The following FAM193A variants were observed in gnomAD, a reference collection of about 807,000 sequenced individuals.
FAM193A encodes the protein protein FAM193A.
FAM193A carries 22 observed loss-of-function variants against 126.5 expected under a neutral mutation model. That is an observed-to-expected ratio of 0.17 (90% CI 0.12 to 0.25). The LOEUF (loss-of-function observed/expected upper bound fraction) is 0.25, where lower values mean the gene tolerates loss of function less well. FAM193A is among the 10% of genes least tolerant of loss of function. The probability of loss-of-function intolerance (pLI) is 1.00; values close to 1 mark genes in which losing one functional copy is unlikely to be tolerated. For missense variants in FAM193A, 1,675 were observed against 1,672.8 expected (o/e 1.00, Z -0.02); for synonymous variants, 761 against 646.8 (o/e 1.18, Z -2.68).
At chr4:2,701,657 T>G (rs1717745127) in intron 19 of FAM193A, among the ~76,000 whole-genome samples, 1 of 152,174 alleles carries the variant, frequency 6.6e-6, no homozygotes, top group Non-Finnish European at 1.5e-5. Flanking sequence ...TCTCCTTTGC[T>G]AATTAGTAAG....
At position 2,553,376 on chromosome 4, in the gene FAM193A, C is replaced by CTTTTT. The variant is rs1414434801; in HGVS notation, c.255+16207_255+16211dup. On this transcript the variant is annotated intron_variant, in intron 1 of 20. Transcript: ENST00000637812. Reference sequence around the variant, plus strand: ...ATTAAGTAAAGTTCTAATTTCCCTTCTTTTTGTTTTTTTTTTTTTTTTTGA... The same window carrying CTTTTT: ...ATTAAGTAAAGTTCTAATTTCCCTTCTTTTTTTTTTGTTTTTTTTTTTTTTTTTGA... Among the ~76,000 whole-genome samples the CTTTTT allele has an allele frequency of 1.5e-4, 19 of 124,110 alleles. 1 individual carries two copies. The highest frequency in any genetic ancestry group is 5.3e-4 in the South Asian group (2 of 3,808). 81.4% of individuals were successfully genotyped at this position (124,110 alleles called of 152,430 possible).
intron 14 of FAM193A, among the ~76,000 whole-genome samples, 186 bp downstream of exon 14, chr4:2,689,890 G>A (rs1195889954): frequency 2.0e-5 from 3 of 152,126 alleles, no homozygotes; most frequent in Non-Finnish European, 4.4e-5. Context: ...GCCACCAGTC[G>A]GTCCCACTGT....
chr4:2,649,887 C>A (rs1162879179), intron 7 of FAM193A, among the ~76,000 whole-genome samples: 1 of 152,156 alleles, frequency 6.6e-6, no homozygotes, highest in Non-Finnish European at 1.5e-5. Context: ...ATAGCCACTC[C>A]CTATTGCTTG....
chr4:2,540,539 T>G (rs1210173850), intron 1 of FAM193A, among the ~76,000 whole-genome samples: 1 of 151,682 alleles, frequency 6.6e-6, no homozygotes, highest in Admixed American at 6.6e-5. Context: ...TCCCAGCTAC[T>G]CCGGAGGCTG....
chr4:2,597,976 C>T (rs1577056565), intron 2 of FAM193A, among the ~76,000 whole-genome samples: 1 of 152,208 alleles, frequency 6.6e-6, no homozygotes, highest in East Asian at 1.9e-4. Flanking sequence ...ACAATCTTGG[C>T]TCACTGCAAC....
At chr4:2,642,314 C>CA (rs1156508027) in intron 6 of FAM193A, among the ~76,000 whole-genome samples, 1 of 151,782 alleles carries the variant, frequency 6.6e-6, no homozygotes, top group East Asian at 1.9e-4. Flanking sequence ...AAAAAACACA[C>CA]AAAAAAATCA....
At chr4:2,673,169 T>C (rs1032831989) in intron 13 of FAM193A, among the ~76,000 whole-genome samples, 1 of 152,132 alleles carries the variant, frequency 6.6e-6, no homozygotes, top group African/African-American at 2.4e-5. Flanking sequence ...TTCTTTTTTT[T>C]CTTTGTACCA....
chr4:2,651,559 A>T (rs562138660), intron 7 of FAM193A, among the ~76,000 whole-genome samples: 1 of 152,202 alleles, frequency 6.6e-6, no homozygotes, highest in Non-Finnish European at 1.5e-5. Context: ...ACTCGCTATC[A>T]TGAGAACAGC....
intron 1 of FAM193A, among the ~76,000 whole-genome samples, chr4:2,566,562 C>A (rs998012196): frequency 3.3e-5 from 5 of 152,086 alleles, no homozygotes; most frequent in Middle Eastern, 3.4e-3. Context: ...GTGGTGTGCG[C>A]CTGTAGTCCC....
At chr4:2,646,898 CA>C (rs1362614064) in intron 7 of FAM193A, 66 bp downstream of exon 7, 1 of 1,494,320 alleles carries the variant, frequency 6.7e-7, no homozygotes, top group Non-Finnish European at 9.0e-7. Context: ...AAGGCAGCAC[CA>C]AGTCACTAGC....
Position 2,699,748 on chromosome 4 carries a change from G to C in FAM193A, c.3576G>C (p.Gln1192His), listed in dbSNP as rs1717481263. 1 of 1,613,884 alleles carries C rather than the reference G, an allele frequency of 6.2e-7. No individual in the cohort carries two copies. The highest frequency in any genetic ancestry group is 8.5e-7 in the Non-Finnish European group (1 of 1,179,976). ...AGCACCTGCACCTCCAGGAGGAGCA[G>C]AGGCGGCGGGAGGAGGAGGAGGATG... is the stretch of plus-strand genomic sequence containing the variant. ...AREHLHLQEE[Q>H]RRREEEEDEE... Residue 1192 changes from glutamine to histidine, a missense_variant, in exon 19 of 21, where the codon CAG becomes CAC. Transcript: ENST00000637812.
chr4:2,731,970 G>A lies in FAM193A; in HGVS notation c.*102G>A, dbSNP rs527925204. ...GCCCCAGAGCCGTGGTGCTTGCCAA[G>A]GGCTGTGCGGAGCTGGTGCTGCCTG... is the stretch of plus-strand genomic sequence containing the variant. On this transcript the variant is annotated 3_prime_UTR_variant, in exon 21 of 21. Coordinates refer to ENST00000637812, the MANE Select transcript of FAM193A (RefSeq NM_001366318.2). 83 of 902,324 alleles carry A rather than the reference G, an allele frequency of 9.2e-5. 4 individuals carry two copies. In the South Asian group the frequency reaches 9.9e-4, roughly 11 times the overall value. 55.9% of individuals were successfully genotyped at this position (902,324 alleles called of 1,614,324 possible). A position where few individuals can be genotyped will look rare whatever the true frequency, so the allele number is the denominator to read the frequency against.
chr4:2,639,917 G>C, intron 6 of FAM193A, 58 bp downstream of exon 6: 1 of 1,559,332 alleles, frequency 6.4e-7, no homozygotes, highest in Admixed American at 1.8e-5. Context: ...CTTTTCTCCT[G>C]ACTGGTGTGC....
chr4:2,627,777 C>CT (rs1743124540), intron 4 of FAM193A, among the ~76,000 whole-genome samples: 1 of 150,498 alleles, frequency 6.6e-6, no homozygotes. Flanking sequence ...ATGTCTCGCT[C>CT]TGTCGCCCAG....
chr4:2,679,828 C>A (rs1487713497), intron 13 of FAM193A, among the ~76,000 whole-genome samples: 1 of 151,178 alleles, frequency 6.6e-6, no homozygotes, highest in Admixed American at 6.6e-5. Context: ...ACTAGTGAAG[C>A]CATCAGGTTT....
At chr4:2,596,688 C>T (rs866242347) in intron 2 of FAM193A, among the ~76,000 whole-genome samples, 3 of 152,204 alleles carry the variant, frequency 2.0e-5, no homozygotes, top group South Asian at 2.1e-4. Context: ...ATTCTTTACG[C>T]GATGCTCTTA....
chr4:2,626,736 G>A (rs1485188848), intron 4 of FAM193A, among the ~76,000 whole-genome samples, 159 bp downstream of exon 4: 1 of 152,184 alleles, frequency 6.6e-6, no homozygotes, highest in Non-Finnish European at 1.5e-5. Context: ...ACTGGCAAAA[G>A]TGAGCCCCCT....
At position 2,627,389 on chromosome 4, in the gene FAM193A, T is replaced by C. The variant is rs1217607435; in HGVS notation, c.803+812T>C. ...TTGGTCAGGTTGGTCTCTAACATAA[T>C]CCACCTGCCTTGACCTCCCAAAGTG... is the stretch of plus-strand genomic sequence containing the variant. On this transcript the variant is annotated intron_variant, in intron 4 of 20. Transcript: ENST00000637812. Among the ~76,000 whole-genome samples, 2 of 72,262 alleles carry C rather than the reference T, an allele frequency of 2.8e-5. 1 individual carries two copies. The highest frequency in any genetic ancestry group is 7.8e-5 in the Non-Finnish European group (2 of 25,536). 47.4% of individuals were successfully genotyped at this position (72,262 alleles called of 152,430 possible).
Position 2,596,280 on chromosome 4 carries a change from G to A in FAM193A, c.452G>A (p.Arg151His), listed in dbSNP as rs1394986573. The stretch of plus-strand genomic sequence containing the variant: ...CCACTGTGGGTGTGCCCGGACTGCC[G>A]CAGGACCGTGGAGAAGGAGGAGAGG... Reference protein sequence around the residue: ...HLPLWVCPDCRRTVEKEERHG... With the variant: ...HLPLWVCPDCHRTVEKEERHG... The change falls in exon 2 of 21, where the codon CGC becomes CAC. Residue 151 changes from arginine to histidine, a missense_variant. This residue lies in a region of FAM193A where 1,186 missense variants were observed against 1,109.2 expected (regional missense o/e 1.07). Transcript: ENST00000637812. The A allele has an allele frequency of 2.8e-6, 2 of 702,904 alleles. No homozygotes were observed. Among genetic ancestry groups the A allele is most frequent in the East Asian group, 2.7e-5 (1 of 37,302 alleles). 43.5% of individuals were successfully genotyped at this position (702,904 alleles called of 1,614,324 possible).
Sources: gnomAD v4.1 joint callset for allele counts (sites outside exome capture counted in the v4.1 genomes callset) on GRCh38, gnomAD v4.1.1 for gene constraint, gnomAD v4.1.1 regional missense constraint, MANE v1.5 for transcripts, NCBI Gene and HGNC (gene_info 2026-07-23, HGNC 2026-07-21) for gene names.